The following UGT2A2 variants were observed in gnomAD, a reference collection of about 807,000 sequenced individuals.
The protein encoded by UGT2A2 is UDP-glucuronosyltransferase 2A2.
A neutral mutation model predicts 50.7 loss-of-function variants in UGT2A2; 60 were observed. The observed-to-expected ratio is 1.18, with a 90% CI of 0.96 to 1.47. The LOEUF is 1.47. UGT2A2 is among the 40% of genes most tolerant of loss of function. The pLI, the probability that UGT2A2 is intolerant of heterozygous loss-of-function variation, is 0.00. For synonymous variants in UGT2A2, 242 were observed against 214.6 expected (o/e 1.13, Z -1.11); for missense variants, 762 against 634.0 (o/e 1.20, Z -2.17).
At chr4:69,616,881 C>T (rs192257413) in intron 1 of UGT2A2, among the ~76,000 whole-genome samples, 32 of 143,024 alleles carry the variant, frequency 2.2e-4, no homozygotes, top group Non-Finnish European at 3.8e-4. Context: ...CATTTTCCCA[C>T]TTGAAATTGC....
intron 1 of UGT2A2, among the ~76,000 whole-genome samples, chr4:69,616,026 A>C (rs1252391478): frequency 6.6e-6 from 1 of 152,056 alleles, no homozygotes; most frequent in Non-Finnish European, 1.5e-5. Flanking sequence ...TCAATGGGTG[A>C]ATCAACGGAC....
In UGT2A2 at chr4:69,594,464, C is replaced by T. The variant is rs780054165; in HGVS notation, c.1331+13G>A. On this transcript the variant is annotated intron_variant, in intron 5 of 5. Coordinates refer to ENST00000604629, the MANE Select transcript of UGT2A2 (RefSeq NM_001105677.2). The stretch of plus-strand genomic sequence containing the variant: ...TTAAAGTTAGGCAAGTTTTTAGGAG[C>T]CTTAGTACTTACGAAGGTTCATTAA... The T allele has an allele frequency of 1.2e-6, 2 of 1,613,642 alleles. No homozygotes were observed. Among genetic ancestry groups the T allele is most frequent in the Admixed American group, 1.7e-5 (1 of 59,960 alleles).
At chr4:69,600,948 G>A (rs1719250512) in intron 1 of UGT2A2, among the ~76,000 whole-genome samples, 1 of 152,104 alleles carries the variant, frequency 6.6e-6, no homozygotes, top group African/African-American at 2.4e-5. Context: ...CAACATTGGG[G>A]ATCACAATTT....
At chr4:69,628,617 A>T (rs76526833) in intron 1 of UGT2A2, among the ~76,000 whole-genome samples, 6,634 of 151,264 alleles carry the variant, frequency 0.044, 170 homozygotes, top group Middle Eastern at 0.075. Flanking sequence ...AATTCTTAAA[A>T]CTTAGAAAAC....
At chr4:69,604,719 G>A (rs62306495) in intron 1 of UGT2A2, among the ~76,000 whole-genome samples, 24,922 of 135,778 alleles carry the variant, frequency 0.18, 6,028 homozygotes, top group Non-Finnish European at 0.22. Context: ...TAAAGTGATG[G>A]AGGAAGATCT....
chr4:69,601,329 G>A (rs528740356), intron 1 of UGT2A2, among the ~76,000 whole-genome samples: 1 of 152,260 alleles, frequency 6.6e-6, no homozygotes, highest in South Asian at 2.1e-4. Flanking sequence ...TCCTGCACCT[G>A]CCCTGGTGGC....
At chr4:69,632,612 A>C (rs1433594205) in intron 1 of UGT2A2, among the ~76,000 whole-genome samples, 2 of 152,166 alleles carry the variant, frequency 1.3e-5, no homozygotes, top group Non-Finnish European at 2.9e-5. Flanking sequence ...GTAACTGGCC[A>C]GGCACAATGA....
intron 1 of UGT2A2, among the ~76,000 whole-genome samples, chr4:69,613,826 T>G (rs1275188072): frequency 6.6e-6 from 1 of 151,868 alleles, no homozygotes; most frequent in Non-Finnish European, 1.5e-5. Context: ...GGAACATAGC[T>G]CAACATTATA....
chr4:69,635,199 A>C (rs1288975670), intron 1 of UGT2A2, among the ~76,000 whole-genome samples: 1 of 152,174 alleles, frequency 6.6e-6, no homozygotes, highest in Non-Finnish European at 1.5e-5. Context: ...CAAAAAATAA[A>C]AATGAATAAA....
chr4:69,614,664 T>C (rs1408924787), intron 1 of UGT2A2, among the ~76,000 whole-genome samples: 1 of 151,986 alleles, frequency 6.6e-6, no homozygotes, highest in Non-Finnish European at 1.5e-5. Flanking sequence ...GAAATAAATC[T>C]GTACATCTAC....
chr4:69,616,382 G>A (rs528589573), intron 1 of UGT2A2, among the ~76,000 whole-genome samples: 1 of 151,900 alleles, frequency 6.6e-6, no homozygotes, highest in South Asian at 2.1e-4. Context: ...AGTGGAATTG[G>A]AATTTTCCTA....
In UGT2A2 at chr4:69,589,423, C is replaced by T. The variant is rs1251194557; in HGVS notation, c.1560G>A (p.Leu520=). The T allele has an allele frequency of 6.2e-7, 1 of 1,613,508 alleles. No homozygotes were observed. ...TAIFLVIQCC[L]FSCQKFGKIG... ...TCTTACCAAATTTTTGACAGGAAAA[C>T]AAACAACATTGTATGACCAAAAATA... The change falls in exon 6 of 6, where the codon TTG becomes TTA. Residue 520 remains leucine, a synonymous_variant. Coordinates refer to ENST00000604629, the MANE Select transcript of UGT2A2 (RefSeq NM_001105677.2).
intron 1 of UGT2A2, among the ~76,000 whole-genome samples, chr4:69,632,905 A>G (rs1161848277): frequency 6.6e-6 from 1 of 151,800 alleles, no homozygotes; most frequent in African/African-American, 2.4e-5. Context: ...AAAAAAAGTA[A>G]CTACATTTAA....
In UGT2A2 at chr4:69,595,238, T is replaced by C. The variant is rs1718852969; in HGVS notation, c.1035A>G (p.Arg345=). 6.2e-7 allele frequency: 1 copy of C among 1,613,770 alleles called. No individual in the cohort carries two copies. The highest frequency in any genetic ancestry group is 1.1e-5 in the South Asian group (1 of 91,080). Residue 345 remains arginine (R), a synonymous_variant, in exon 4 of 6, where the codon AGA becomes AGG. Coordinates refer to ENST00000604629, the MANE Select transcript of UGT2A2 (RefSeq NM_001105677.2). The part of the protein sequence containing the change: ...LAQIPQKVLW[R]YKGKKPATLG... ...ATGTGGCTGGTTTCTTTCCTTTGTA[T>C]CTCCATAAAACCTGTGGAAAATGGT... is the stretch of plus-strand genomic sequence containing the variant.
intron 2 of UGT2A2, 36 bp from the exon 3 acceptor site, chr4:69,596,417 A>AAT (rs1672250237): frequency 1.4e-6 from 2 of 1,460,842 alleles, no homozygotes; most frequent in Middle Eastern, 3.7e-4. Flanking sequence ...ACAAAGGTGT[A>AAT]GCATCATAAG....
At chr4:69,619,016 T>A (rs1423873263) in intron 1 of UGT2A2, among the ~76,000 whole-genome samples, 1 of 151,860 alleles carries the variant, frequency 6.6e-6, no homozygotes, top group Admixed American at 6.6e-5. Context: ...GGAAAAAAGT[T>A]ATATATTATA....
chr4:69,595,239 C>T lies in UGT2A2; in HGVS notation c.1034G>A (p.Arg345Lys), dbSNP rs1461148799. Reference protein sequence around the residue: ...LAQIPQKVLWRYKGKKPATLG... With the variant: ...LAQIPQKVLWKYKGKKPATLG... ...TGTGGCTGGTTTCTTTCCTTTGTAT[C>T]TCCATAAAACCTGTGGAAAATGGTG... The change falls in exon 4 of 6, where the codon AGA becomes AAA. Residue 345 changes from arginine to lysine, a missense_variant. Coordinates refer to ENST00000604629, the MANE Select transcript of UGT2A2 (RefSeq NM_001105677.2). 32 of 1,613,540 alleles carry T rather than the reference C, an allele frequency of 2.0e-5. No individual in the cohort carries two copies. Among genetic ancestry groups the T allele is most frequent in the Non-Finnish European group, 2.5e-5 (30 of 1,179,828 alleles).
At chr4:69,635,656 C>T (rs145673753) in intron 1 of UGT2A2, 9,613 of 224,298 alleles carry the variant, frequency 0.043, 296 homozygotes, top group Non-Finnish European at 0.059. Flanking sequence ...ATGGTGAAAC[C>T]TCGTCTCTAT....
At chr4:69,602,479 C>T (rs1272615272) in intron 1 of UGT2A2, among the ~76,000 whole-genome samples, 1 of 135,392 alleles carries the variant, frequency 7.4e-6, no homozygotes, top group Non-Finnish European at 1.6e-5. Context: ...ATCTATCTAT[C>T]TATCTATCTA....
Sources: allele counts gnomAD v4.1 joint callset (sites outside exome capture counted in the v4.1 genomes callset), GRCh38; gene constraint gnomAD v4.1.1; transcripts MANE v1.5; gene names NCBI Gene and HGNC (gene_info 2026-07-23, HGNC 2026-07-21).